TTLL5: variants seen among roughly 807,000 people sequenced by gnomAD.
The protein encoded by TTLL5 is tubulin polyglutamylase TTLL5.
A neutral mutation model predicts 168.4 loss-of-function variants in TTLL5; 132 were observed. The observed-to-expected ratio is 0.78, with a 90% CI of 0.68 to 0.91. TTLL5 has a LOEUF of 0.91. Among genes scored for constraint, TTLL5 ranks in the 40% least tolerant of loss-of-function variants. TTLL5 has a pLI of 0.00. For missense variants in TTLL5, 1,545 were observed against 1,581.5 expected (o/e 0.98, Z 0.39); for synonymous variants, 546 against 558.6 (o/e 0.98, Z 0.32).
intron 28 of TTLL5, among the ~76,000 whole-genome samples, chr14:75,857,666 G>C (rs538568058): frequency 1.1e-4 from 16 of 149,286 alleles, no homozygotes; most frequent in African/African-American, 3.9e-4. Context: ...TGGTGGGGAG[G>C]GGGAGACAAG....
intron 29 of TTLL5, among the ~76,000 whole-genome samples, chr14:75,866,735 A>G (rs2030547988): frequency 1.3e-5 from 2 of 152,212 alleles, no homozygotes; most frequent in Admixed American, 6.5e-5. Context: ...TTGGAAATGG[A>G]CATCTCTCAG....
intron 31 of TTLL5, among the ~76,000 whole-genome samples, chr14:75,918,251 G>C (rs990097068): frequency 1.3e-5 from 2 of 152,176 alleles, no homozygotes; most frequent in Non-Finnish European, 1.5e-5. Flanking sequence ...GAGGTGTCTA[G>C]AGAGGTGGTC....
intron 21 of TTLL5, among the ~76,000 whole-genome samples, chr14:75,773,310 A>C (rs1360770451): frequency 2.0e-5 from 3 of 152,178 alleles, no homozygotes; most frequent in African/African-American, 7.2e-5. Flanking sequence ...TGAAAAAAAT[A>C]ATGTTTTAAT....
chr14:75,763,268 T>C (rs1566592967), intron 18 of TTLL5, among the ~76,000 whole-genome samples: 1 of 151,890 alleles, frequency 6.6e-6, no homozygotes, highest in African/African-American at 2.4e-5. Context: ...TGTGTGTGTG[T>C]GTGTGTGTGT....
chr14:75,677,399 T>C (rs1276654151), intron 3 of TTLL5, among the ~76,000 whole-genome samples: 3 of 141,806 alleles, frequency 2.1e-5, no homozygotes, highest in Admixed American at 7.0e-5. Flanking sequence ...TCTTTTTTTT[T>C]TTTTTTTTTT....
At chr14:75,879,587 A>G (rs891937738) in intron 29 of TTLL5, among the ~76,000 whole-genome samples, 1 of 152,076 alleles carries the variant, frequency 6.6e-6, no homozygotes, top group African/African-American at 2.4e-5. Flanking sequence ...CAATGAAGTA[A>G]TTTTTTTTAA....
At chr14:75,718,090 T>A (rs984383165) in intron 10 of TTLL5, 128 bp downstream of exon 10, 9 of 774,190 alleles carry the variant, frequency 1.2e-5, no homozygotes, top group Non-Finnish European at 1.9e-5. Flanking sequence ...TTTATGGAAA[T>A]CTGTCAGTCA....
intron 27 of TTLL5, among the ~76,000 whole-genome samples, chr14:75,813,654 A>G (rs1242448991): frequency 6.6e-6 from 1 of 152,050 alleles, no homozygotes; most frequent in Non-Finnish European, 1.5e-5. Flanking sequence ...TTTTGTTGTT[A>G]TTATTACTGT....
intron 27 of TTLL5, among the ~76,000 whole-genome samples, chr14:75,798,885 T>G (rs1893134210): frequency 6.6e-6 from 1 of 152,188 alleles, no homozygotes; most frequent in Non-Finnish European, 1.5e-5. Context: ...TGGCCTATCT[T>G]GTGGTCTATC....
intron 3 of TTLL5, among the ~76,000 whole-genome samples, chr14:75,671,092 G>A (rs1883704990): frequency 6.6e-6 from 1 of 152,162 alleles, no homozygotes; most frequent in Admixed American, 6.5e-5. Context: ...GTAGGGTTAT[G>A]TAAGGGTTCA....
chr14:75,898,340 G>A (rs1013804242), intron 30 of TTLL5, among the ~76,000 whole-genome samples: 12 of 152,070 alleles, frequency 7.9e-5, no homozygotes, highest in African/African-American at 2.9e-4. Flanking sequence ...TTATTCTCAC[G>A]CTTAAAGATA....
intron 28 of TTLL5, among the ~76,000 whole-genome samples, chr14:75,859,695 G>A (rs962011222): frequency 1.1e-4 from 17 of 152,170 alleles, no homozygotes; most frequent in African/African-American, 3.6e-4. Context: ...AATAGAATTC[G>A]TTGAGGTTCA....
chr14:75,764,586 C>A (rs985726997), intron 18 of TTLL5, 29 bp from the exon 19 acceptor site: 1 of 1,612,114 alleles, frequency 6.2e-7, no homozygotes, highest in Non-Finnish European at 8.5e-7. Flanking sequence ...TTTCTGAAGG[C>A]CATAGCTACC....
chr14:75,866,945 A>G (rs2030568773), intron 29 of TTLL5, among the ~76,000 whole-genome samples: 1 of 152,230 alleles, frequency 6.6e-6, no homozygotes. Flanking sequence ...AGTCCATATG[A>G]TAGAGAGCAT....
intron 12 of TTLL5, among the ~76,000 whole-genome samples, chr14:75,728,959 C>G (rs1481873486): frequency 1.3e-5 from 2 of 152,084 alleles, no homozygotes; most frequent in Non-Finnish European, 2.9e-5. Flanking sequence ...CTTTGGTGAT[C>G]ATATTGAGAA....
At chr14:75,917,244 C>T (rs2033651229) in intron 31 of TTLL5, among the ~76,000 whole-genome samples, 1 of 152,190 alleles carries the variant, frequency 6.6e-6, no homozygotes, top group African/African-American at 2.4e-5. Context: ...ATGTATTATA[C>T]CCCAGATTAG....
At chr14:75,879,631 T>TCA (rs1393657954) in intron 29 of TTLL5, among the ~76,000 whole-genome samples, 1 of 152,218 alleles carries the variant, frequency 6.6e-6, no homozygotes, top group Non-Finnish European at 1.5e-5. Context: ...TGAAGTAATT[T>TCA]TAACTGCTTA....
At chr14:75,863,926 A>AAAAAAAAAAAAAAAAAAG (rs1325156608) in intron 29 of TTLL5, 64 bp downstream of exon 29, 83 of 1,257,828 alleles carry the variant, frequency 6.6e-5, no homozygotes, top group African/African-American at 5.6e-4. Flanking sequence ...AAAAAAAAAA[A>AAAAAAAAAAAAAAAAAAG]AAAAAAAAGG....
intron 17 of TTLL5, among the ~76,000 whole-genome samples, chr14:75,750,524 C>T (rs1889885166): frequency 6.6e-6 from 1 of 150,818 alleles, no homozygotes; most frequent in African/African-American, 2.4e-5. Flanking sequence ...TTTTCTCTAG[C>T]TTACTTTATT....
Sources: allele counts gnomAD v4.1 joint callset (sites outside exome capture counted in the v4.1 genomes callset), GRCh38; gene constraint gnomAD v4.1.1; transcripts MANE v1.5; gene names NCBI Gene and HGNC (gene_info 2026-07-23, HGNC 2026-07-21).